Variants in CFAP54 observed in about 807,000 individuals in gnomAD.
CFAP54 encodes cilia- and flagella-associated protein 54.
A neutral mutation model predicts 370.4 loss-of-function variants in CFAP54; 290 were observed. That is an observed-to-expected ratio of 0.78 (90% confidence interval 0.71 to 0.86). CFAP54 has a LOEUF of 0.86. CFAP54 is among the 40% of genes least tolerant of loss of function. CFAP54 has a pLI of 0.00. For missense variants in CFAP54, 3,399 were observed against 3,528.7 expected, an observed-to-expected ratio of 0.96 and a Z score of 0.93; for synonymous variants, 1,206 against 1,236.5, an observed-to-expected ratio of 0.98 and a Z score of 0.52.
chr12:96,841,552 G>A (rs964795263), intron 66 of CFAP54, among the ~76,000 whole-genome samples: 1 of 152,166 alleles, frequency 6.6e-6, no homozygotes, highest in Admixed American at 6.5e-5. Flanking sequence ...GAAGAAGCAG[G>A]TGTGAATTTA....
chr12:96,581,432 AC>A (rs1415826794), intron 22 of CFAP54, among the ~76,000 whole-genome samples: 1 of 152,118 alleles, frequency 6.6e-6, no homozygotes, highest in African/African-American at 2.4e-5. Flanking sequence ...CAGAGTTCTT[AC>A]CCTGGGGCAA....
chr12:96,800,536 C>A (rs549975221), intron 63 of CFAP54, among the ~76,000 whole-genome samples: 3 of 152,240 alleles, frequency 2.0e-5, no homozygotes, highest in African/African-American at 7.2e-5. Context: ...AATGTTCAGT[C>A]AAAAAGTCAA....
intron 17 of CFAP54, among the ~76,000 whole-genome samples, chr12:96,557,549 T>C (rs947982265): frequency 6.6e-6 from 1 of 152,060 alleles, no homozygotes; most frequent in Non-Finnish European, 1.5e-5. Context: ...TGTCCATTAA[T>C]AGAGAATTGA....
Position 96,554,196 on chromosome 12 carries a change from A to G in CFAP54, c.2169A>G (p.Glu723=). The G allele has an allele frequency of 6.6e-7, 1 of 1,507,296 alleles. No individual in the cohort carries two copies. The allele number at this position is 1,507,296 out of a possible 1,614,324, so 93.4% of individuals were successfully genotyped here. A position where few individuals can be genotyped will look rare whatever the true frequency, so the allele number is the denominator to read the frequency against. Residue 723 remains glutamate (E), a synonymous_variant, in exon 16 of 68, where the codon GAA becomes GAG. Transcript: ENST00000524981. ...AATTATTTTAGAAAAATCCTGTGGA[A>G]CAGTTACTTTTTGCTTATAAACTTC... ...ILPILQKNPV[E]QLLFAYKLLD... is the part of the protein sequence containing the mutation.
chr12:96,823,878 A>G (rs941416302), intron 65 of CFAP54, among the ~76,000 whole-genome samples: 1 of 152,204 alleles, frequency 6.6e-6, no homozygotes, highest in African/African-American at 2.4e-5. Flanking sequence ...ATTTGCCAAG[A>G]TAATCATAGT....
chr12:96,647,565 G>C (rs1463869566), intron 33 of CFAP54, among the ~76,000 whole-genome samples: 1 of 148,760 alleles, frequency 6.7e-6, no homozygotes, highest in Admixed American at 6.8e-5. Context: ...GTTCAAATCA[G>C]GTGGTTTTAA....
At chr12:96,554,640 T>C (rs1356715894) in intron 16 of CFAP54, 36 bp from the exon 17 acceptor site, 1 of 1,498,264 alleles carries the variant, frequency 6.7e-7, no homozygotes, top group Non-Finnish European at 8.9e-7. Flanking sequence ...TTTTGATAAC[T>C]ATATTTCTTT....
chr12:96,624,331 T>C (rs1956529509), intron 28 of CFAP54, among the ~76,000 whole-genome samples: 1 of 152,116 alleles, frequency 6.6e-6, no homozygotes, highest in South Asian at 2.1e-4. Flanking sequence ...GAGGGGGTTA[T>C]GGGTGGCACA....
intron 65 of CFAP54, among the ~76,000 whole-genome samples, chr12:96,826,569 A>C (rs1198383032): frequency 9.7e-6 from 1 of 102,904 alleles, no homozygotes; most frequent in Non-Finnish European, 1.7e-5. Context: ...TATAATATAT[A>C]ATATAGATTA....
At chr12:96,769,461 G>A (rs1395336268) in intron 60 of CFAP54, among the ~76,000 whole-genome samples, 3 of 152,156 alleles carry the variant, frequency 2.0e-5, no homozygotes, top group Non-Finnish European at 4.4e-5. Context: ...AAGAACGTTC[G>A]GGGGGCTGTA....
At chr12:96,828,824 A>C (rs1959156719) in intron 65 of CFAP54, among the ~76,000 whole-genome samples, 190 bp from the exon 66 acceptor site, 1 of 152,186 alleles carries the variant, frequency 6.6e-6, no homozygotes, top group African/African-American at 2.4e-5. Context: ...CTTATTTTGT[A>C]CAATTAGATA....
chr12:96,688,889 C>A lies in CFAP54; in HGVS notation c.6015-27C>A. Reference sequence around the variant, plus strand: ...ATGTTTTTGGAAAATTTCTACTAATCAATTTTTTTTTCTTATACTTACTTA... The same window carrying A: ...ATGTTTTTGGAAAATTTCTACTAATAAATTTTTTTTTCTTATACTTACTTA... On this transcript the variant is annotated intron_variant, in intron 42 of 67. Transcript: ENST00000524981. The A allele has an allele frequency of 2.9e-6, 4 of 1,396,332 alleles. No homozygotes were observed. The South Asian group carries it at 5.1e-5, about 18-fold the overall frequency. The allele number at this position is 1,396,332 out of a possible 1,614,324, so 86.5% of individuals were successfully genotyped here.
At chr12:96,507,546 C>T (rs1480267564) in intron 4 of CFAP54, among the ~76,000 whole-genome samples, 1 of 142,416 alleles carries the variant, frequency 7.0e-6, no homozygotes, top group African/African-American at 2.6e-5. Flanking sequence ...CACACACACA[C>T]ACACACACAC....
chr12:96,867,078 A>T (rs1200735357), intron 67 of CFAP54, among the ~76,000 whole-genome samples: 2 of 152,246 alleles, frequency 1.3e-5, no homozygotes, highest in South Asian at 4.1e-4. Context: ...CTAGTAATAA[A>T]GTATATGTAA....
intron 26 of CFAP54, among the ~76,000 whole-genome samples, chr12:96,609,407 C>A (rs981417138): frequency 2.0e-5 from 3 of 152,102 alleles, no homozygotes; most frequent in Non-Finnish European, 4.4e-5. Flanking sequence ...AATAAAATTT[C>A]TAATAAATTA....
At chr12:96,501,041 T>G (rs1309482191) in intron 2 of CFAP54, 102 bp downstream of exon 2, 2 of 629,490 alleles carry the variant, frequency 3.2e-6, no homozygotes, top group Non-Finnish European at 4.9e-6. Flanking sequence ...TTTTGATTTT[T>G]CTCTTAGAAA....
chr12:96,636,278 A>G (rs1481087905), intron 32 of CFAP54, among the ~76,000 whole-genome samples: 3 of 152,036 alleles, frequency 2.0e-5, no homozygotes, highest in African/African-American at 4.8e-5. Flanking sequence ...AACAGATTCA[A>G]TTTCTTTGAG....
intron 9 of CFAP54, among the ~76,000 whole-genome samples, chr12:96,527,659 C>T (rs1247412529): frequency 6.6e-6 from 1 of 151,748 alleles, no homozygotes; most frequent in African/African-American, 2.4e-5. Context: ...GCATCAACTT[C>T]CTGGGCTCAA....
At chr12:96,611,775 GAAGTTGATTCGATCAACAGTGA>G (rs1288726062) in intron 26 of CFAP54, among the ~76,000 whole-genome samples, 1 of 151,438 alleles carries the variant, frequency 6.6e-6, no homozygotes, top group African/African-American at 2.4e-5. Context: ...CAACTGGATT[GAAGTTGATTCGATCAACAGTGA>G]TTGAAGATCA....
Sources: gnomAD v4.1 joint callset for allele counts (sites outside exome capture counted in the v4.1 genomes callset) on GRCh38, gnomAD v4.1.1 for gene constraint, MANE v1.5 for transcripts, NCBI Gene and HGNC (gene_info 2026-07-23, HGNC 2026-07-21) for gene names.